Variants in SULT1C2 observed in about 807,000 individuals in gnomAD.
The protein encoded by SULT1C2 is sulfotransferase family 1C member 2.
In SULT1C2, 27 loss-of-function variants were observed where a neutral mutation model predicts 36.0. That is an observed-to-expected ratio of 0.75 (90% CI 0.55 to 1.03). SULT1C2 has a LOEUF of 1.03. Among genes scored for constraint, SULT1C2 ranks in the 50% least tolerant of loss-of-function variants. The pLI is 0.00. For synonymous variants in SULT1C2, 121 were observed against 116.0 expected, an observed-to-expected ratio of 1.04 and a Z score of -0.27; for missense variants, 395 against 359.2, an observed-to-expected ratio of 1.10 and a Z score of -0.80.
intron 3 of SULT1C2, among the ~76,000 whole-genome samples, chr2:108,295,734 C>A (rs1366064704): frequency 2.6e-5 from 4 of 152,212 alleles, no homozygotes; most frequent in Non-Finnish European, 5.9e-5. Context: ...TGTTAGCTAT[C>A]TTTACTAACC....
chr2:108,306,975 C>T (rs1190468771), intron 7 of SULT1C2, among the ~76,000 whole-genome samples: 2 of 152,030 alleles, frequency 1.3e-5, no homozygotes, highest in Admixed American at 1.3e-4. Context: ...AACTCCACCC[C>T]CAAGAAGTAA....
intron 5 of SULT1C2, 33 bp from the exon 6 acceptor site, chr2:108,305,139 T>C (rs768571193): frequency 5.0e-6 from 8 of 1,612,302 alleles, no homozygotes; most frequent in Middle Eastern, 1.7e-4. Flanking sequence ...GTGATGCCTA[T>C]GTAGACTATT....
At chr2:108,295,485 A>G (rs544901627) in intron 3 of SULT1C2, among the ~76,000 whole-genome samples, 7 of 152,314 alleles carry the variant, frequency 4.6e-5, no homozygotes, top group Admixed American at 1.3e-4. Flanking sequence ...AGGATGGTAT[A>G]ATAGTTAAGG....
At position 108,297,527 on chromosome 2, in the gene SULT1C2, G is replaced by T. The variant is rs115843093; in HGVS notation, c.277+3173G>T. Among the ~76,000 whole-genome samples, 490 of 152,248 alleles carry T rather than the reference G, an allele frequency of 3.2e-3. 4 individuals are homozygous for T. Among genetic ancestry groups the T allele is most frequent in the African/African-American group, 0.011 (468 of 41,540 alleles). On this transcript the variant is annotated intron_variant, in intron 3 of 7. Coordinates refer to ENST00000251481, the MANE Select transcript of SULT1C2 (RefSeq NM_001056.4). ...ACGAAGGCCAAAAATGACCCCGTTT[G>T]CCCCCTTCTTCCAAGCTAGTGGGCT...
intron 1 of SULT1C2, among the ~76,000 whole-genome samples, chr2:108,290,002 C>T (rs1388211317): frequency 6.6e-6 from 1 of 152,210 alleles, no homozygotes; most frequent in Non-Finnish European, 1.5e-5. Context: ...CACAGCTGTG[C>T]CCAGGCCCTC....
chr2:108,292,482 G>A (rs146018277), intron 1 of SULT1C2, among the ~76,000 whole-genome samples: 52 of 149,238 alleles, frequency 3.5e-4, no homozygotes, highest in African/African-American at 1.2e-3. Context: ...CCCACAAATG[G>A]CCAATAAGCA....
intron 1 of SULT1C2, among the ~76,000 whole-genome samples, chr2:108,291,788 C>T (rs1346711543): frequency 6.6e-6 from 1 of 152,134 alleles, no homozygotes; most frequent in Non-Finnish European, 1.5e-5. Flanking sequence ...GAAAAGTCCA[C>T]GAAGGACCTA....
intron 4 of SULT1C2, chr2:108,302,942 G>A (rs890616327): frequency 7.2e-5 from 11 of 152,150 alleles, no homozygotes; most frequent in Non-Finnish European, 1.5e-4. Flanking sequence ...TGTGTCTGGA[G>A]CTAAGAGCCA....
At chr2:108,298,751 G>A in intron 3 of SULT1C2, 2 of 246,582 alleles carry the variant, frequency 8.1e-6, no homozygotes, top group Non-Finnish European at 1.7e-5. Context: ...GTCACTAGGG[G>A]TTTAGTTCTT....
rs1407529367 is a variant in SULT1C2, at chr2:108,292,906, C to T, written c.-21-741C>T. 2.6e-5 allele frequency among the ~76,000 whole-genome samples: 4 copies of T among 152,144 alleles called. No individual in the cohort carries two copies. The East Asian group carries it at 7.7e-4, about 29-fold the overall frequency. ...GGGTAAACAAAATATAGGCTGGGCACGGTGGCTCACGCCTGTAATCCCAAC... is the reference window on the plus strand; with the variant it reads ...GGGTAAACAAAATATAGGCTGGGCATGGTGGCTCACGCCTGTAATCCCAAC... On this transcript the variant is annotated intron_variant, in intron 1 of 7. Coordinates refer to ENST00000251481, the MANE Select transcript of SULT1C2 (RefSeq NM_001056.4).
At chr2:108,300,988 G>C in intron 4 of SULT1C2, 53 bp downstream of exon 4, 1 of 1,606,818 alleles carries the variant, frequency 6.2e-7, no homozygotes, top group Non-Finnish European at 8.5e-7. Context: ...CAACCAAAGC[G>C]AGTCCTGCAG....
chr2:108,301,634 C>G (rs1168671953), intron 4 of SULT1C2: 1 of 152,290 alleles, frequency 6.6e-6, no homozygotes, highest in Non-Finnish European at 1.5e-5. Context: ...GAGCAACGCT[C>G]TTGAGGACAC....
At chr2:108,300,634 C>T in intron 3 of SULT1C2, 1 of 798,666 alleles carries the variant, frequency 1.3e-6, no homozygotes, top group Middle Eastern at 4.0e-4. Context: ...TAAATTAACT[C>T]TAAGGCCCCA....
chr2:108,304,571 A>T lies in SULT1C2; in HGVS notation c.376-3A>T. The stretch of plus-strand genomic sequence containing the variant: ...TTTACCCACCTCTTTTCTTACCCCA[A>T]AGTTCCTTTATGTAGCTCGAAATGC... On this transcript the variant is annotated splice_polypyrimidine_tract_variant and splice_region_variant and intron_variant, in intron 4 of 7. Transcript: ENST00000251481. 1 of 1,594,554 alleles carries T rather than the reference A, an allele frequency of 6.3e-7. No individual in the cohort carries two copies. Among genetic ancestry groups the T allele is most frequent in the Non-Finnish European group, 8.5e-7 (1 of 1,173,822 alleles).
chr2:108,308,128 G>A (rs1251169096), intron 7 of SULT1C2, among the ~76,000 whole-genome samples: 2 of 152,140 alleles, frequency 1.3e-5, no homozygotes, highest in Non-Finnish European at 2.9e-5. Context: ...TAGCTGCCTT[G>A]GGTCAGTTGT....
chr2:108,290,064 G>A (rs1161603042), intron 1 of SULT1C2, among the ~76,000 whole-genome samples: 1 of 152,156 alleles, frequency 6.6e-6, no homozygotes, highest in East Asian at 1.9e-4. Context: ...GTTGGTCAAT[G>A]TGTTGCGTGG....
At position 108,292,393 on chromosome 2, in the gene SULT1C2, A is replaced by AACACAC. The variant is rs66462427; in HGVS notation, c.-21-1210_-21-1205dup. 5.3e-3 allele frequency among the ~76,000 whole-genome samples: 705 copies of AACACAC among 133,438 alleles called. 6 individuals are homozygous for AACACAC. The highest frequency in any genetic ancestry group is 0.016 in the South Asian group (58 of 3,696). 87.5% of individuals were successfully genotyped at this position (133,438 alleles called of 152,430 possible). A position where few individuals can be genotyped will look rare whatever the true frequency, so the allele number is the denominator to read the frequency against. On this transcript the variant is annotated intron_variant, in intron 1 of 7. Coordinates refer to ENST00000251481, the MANE Select transcript of SULT1C2 (RefSeq NM_001056.4). Reference sequence around the variant, plus strand: ...AGTCTTCCCTCAATACAACAATGACAACACACACACACACACACACACACA... The same window carrying AACACAC: ...AGTCTTCCCTCAATACAACAATGACAACACACACACACACACACACACACACACACA...
chr2:108,299,006 C>CAAA (rs1206718379), intron 3 of SULT1C2: 1 of 152,778 alleles, frequency 6.5e-6, no homozygotes, highest in East Asian at 1.9e-4. Flanking sequence ...CACCCAGAGG[C>CAAA]GAGGCAAGGA....
intron 1 of SULT1C2, among the ~76,000 whole-genome samples, chr2:108,289,528 A>T (rs766908585): frequency 9.2e-5 from 14 of 152,178 alleles, no homozygotes; most frequent in Admixed American, 7.9e-4. Context: ...GTGGAGTAAG[A>T]CCTATAAAAT....
Sources: gnomAD v4.1 joint callset for allele counts (sites outside exome capture counted in the v4.1 genomes callset) on GRCh38, gnomAD v4.1.1 for gene constraint, MANE v1.5 for transcripts, NCBI Gene and HGNC (gene_info 2026-07-23, HGNC 2026-07-21) for gene names.